KCNQ3: variants seen among roughly 807,000 people sequenced by gnomAD.
KCNQ3 encodes potassium voltage-gated channel subfamily Q member 3.
A neutral mutation model predicts 92.5 loss-of-function variants in KCNQ3; 30 were observed. The ratio of observed to expected loss-of-function variants is 0.32; its 90% CI spans 0.24 to 0.44. KCNQ3 has a LOEUF of 0.44. Ranked by LOEUF, KCNQ3 falls within the 20% of genes least tolerant of loss-of-function variation. The pLI, the probability that KCNQ3 is intolerant of heterozygous loss-of-function variation, is 1.00. For missense variants in KCNQ3, 913 were observed against 1,140.3 expected, an observed-to-expected ratio of 0.80 and a Z score of 2.87; for synonymous variants, 450 against 468.8, an observed-to-expected ratio of 0.96 and a Z score of 0.52.
intron 1 of KCNQ3, among the ~76,000 whole-genome samples, chr8:132,426,366 C>T (rs1299666357): frequency 6.6e-6 from 1 of 152,210 alleles, no homozygotes; most frequent in Non-Finnish European, 1.5e-5. Context: ...AGTTCCTCCT[C>T]CAACAGAGTT....
At chr8:132,388,154 CT>C (rs899204173) in intron 1 of KCNQ3, among the ~76,000 whole-genome samples, 6 of 152,118 alleles carry the variant, frequency 3.9e-5, no homozygotes, top group South Asian at 2.1e-4. Flanking sequence ...TGTGATATGA[CT>C]TTTTTTTCCA....
rs1824463273 is a variant in KCNQ3 at position 132,121,344 on chromosome 8, A to G, written c.*7918T>C. ...GATCATTTTTCTCTTTAAAACAAGG[A>G]AGGACTGACAAATCTGATGAAGTCC... is the stretch of plus-strand genomic sequence containing the variant. On this transcript the variant is annotated 3_prime_UTR_variant, in exon 15 of 15. Transcript: ENST00000388996. The G allele has an allele frequency of 6.6e-6, 1 of 152,198 alleles. No homozygotes were observed. Among genetic ancestry groups the G allele is most frequent in the Non-Finnish European group, 1.5e-5 (1 of 68,032 alleles). 9.4% of individuals were successfully genotyped at this position (152,198 alleles called of 1,614,324 possible). A position where few individuals can be genotyped will look rare whatever the true frequency, so the allele number is the denominator to read the frequency against.
At chr8:132,450,747 C>T (rs753938708) in intron 1 of KCNQ3, among the ~76,000 whole-genome samples, 3 of 152,208 alleles carry the variant, frequency 2.0e-5, no homozygotes, top group Non-Finnish European at 4.4e-5. Flanking sequence ...AAGGAGCTCA[C>T]ATGCTTGTTC....
At chr8:132,377,337 A>G (rs1322785779) in intron 1 of KCNQ3, among the ~76,000 whole-genome samples, 1 of 152,228 alleles carries the variant, frequency 6.6e-6, no homozygotes, top group Non-Finnish European at 1.5e-5. Context: ...TGCAGACAGC[A>G]GATCAAGAGA....
intron 1 of KCNQ3, among the ~76,000 whole-genome samples, chr8:132,290,891 G>A (rs186041386): frequency 4.6e-5 from 7 of 152,246 alleles, no homozygotes; most frequent in Admixed American, 3.9e-4. Flanking sequence ...CCTAGGCACC[G>A]TGTTCTGTCT....
chr8:132,252,763 C>T (rs1815456974), intron 1 of KCNQ3, among the ~76,000 whole-genome samples: 1 of 152,154 alleles, frequency 6.6e-6, no homozygotes, highest in South Asian at 2.1e-4. Context: ...TTTAACTAGA[C>T]ACAGAGCGCT....
intron 13 of KCNQ3, 22 bp from the exon 14 acceptor site, chr8:132,132,286 T>C: frequency 3.8e-6 from 6 of 1,574,914 alleles, no homozygotes; most frequent in Non-Finnish European, 5.2e-6. Context: ...CGAACACTTC[T>C]ATAAGATCAT....
intron 1 of KCNQ3, among the ~76,000 whole-genome samples, chr8:132,438,198 T>A (rs960381628): frequency 1.3e-5 from 2 of 152,222 alleles, no homozygotes; most frequent in Non-Finnish European, 2.9e-5. Flanking sequence ...GAGAAATACA[T>A]TCAGGAAAAT....
At chr8:132,412,736 C>A (rs73708454) in intron 1 of KCNQ3, among the ~76,000 whole-genome samples, 8,883 of 152,210 alleles carry the variant, frequency 0.058, 313 homozygotes, top group African/African-American at 0.1. Context: ...ACCTCCCCTG[C>A]CCTGGGACAG....
At chr8:132,370,539 C>T (rs533278079) in intron 1 of KCNQ3, among the ~76,000 whole-genome samples, 19 of 152,160 alleles carry the variant, frequency 1.2e-4, no homozygotes, top group Admixed American at 4.6e-4. Context: ...ATTAGAGCCC[C>T]GTATTTTCCT....
intron 1 of KCNQ3, among the ~76,000 whole-genome samples, chr8:132,458,224 G>T (rs1184965485): frequency 6.6e-6 from 1 of 152,134 alleles, no homozygotes; most frequent in Admixed American, 6.5e-5. Context: ...GTTCCCTAAG[G>T]TTCCTACCTC....
At chr8:132,459,063 GAT>G (rs1822004925) in intron 1 of KCNQ3, among the ~76,000 whole-genome samples, 1 of 152,238 alleles carries the variant, frequency 6.6e-6, no homozygotes, top group South Asian at 2.1e-4. Context: ...AGATGACCTT[GAT>G]AGTTTTGAAG....
At chr8:132,447,318 T>G (rs2130845901) in intron 1 of KCNQ3, 1 of 1,398,116 alleles carries the variant, frequency 7.2e-7, no homozygotes, top group Non-Finnish European at 9.8e-7. Flanking sequence ...CAGACAAGGG[T>G]CAAGATAAAG....
intron 1 of KCNQ3, among the ~76,000 whole-genome samples, chr8:132,269,535 G>A (rs1177203046): frequency 6.6e-6 from 1 of 151,952 alleles, no homozygotes; most frequent in East Asian, 1.9e-4. Context: ...CAGTGATTTT[G>A]GTGTATTTAG....
intron 1 of KCNQ3, among the ~76,000 whole-genome samples, chr8:132,397,912 A>G (rs1411785375): frequency 6.6e-6 from 1 of 152,148 alleles, no homozygotes; most frequent in African/African-American, 2.4e-5. Flanking sequence ...TCTATACAAA[A>G]TCCTAGGAAA....
At chr8:132,471,760 A>T (rs975418285) in intron 1 of KCNQ3, among the ~76,000 whole-genome samples, 1 of 152,232 alleles carries the variant, frequency 6.6e-6, no homozygotes, top group African/African-American at 2.4e-5. Flanking sequence ...AAAACAAAAA[A>T]TAGGCAAATG....
chr8:132,375,165 T>G (rs1403387878), intron 1 of KCNQ3, among the ~76,000 whole-genome samples: 1 of 152,240 alleles, frequency 6.6e-6, no homozygotes, highest in African/African-American at 2.4e-5. Flanking sequence ...AACTTTCATT[T>G]ATATGGATCA....
At chr8:132,389,318 G>A (rs370677578) in intron 1 of KCNQ3, among the ~76,000 whole-genome samples, 122 of 152,278 alleles carry the variant, frequency 8.0e-4, no homozygotes, top group African/African-American at 2.6e-3. Context: ...TTAGCTGGGC[G>A]TGGTGGCACA....
chr8:132,374,557 G>A (rs1007519625), intron 1 of KCNQ3, among the ~76,000 whole-genome samples: 2 of 152,182 alleles, frequency 1.3e-5, no homozygotes, highest in Admixed American at 6.5e-5. Context: ...ACAGGTACAC[G>A]TACAGGTTTG....
Sources: allele counts gnomAD v4.1 joint callset (sites outside exome capture counted in the v4.1 genomes callset), GRCh38; gene constraint gnomAD v4.1.1; transcripts MANE v1.5; gene names NCBI Gene and HGNC (gene_info 2026-07-23, HGNC 2026-07-21).